The following PCDHA5 variants were observed in gnomAD, a reference collection of about 807,000 sequenced individuals.
PCDHA5 encodes protocadherin alpha 5, also known as protocadherin alpha-5.
Under a neutral mutation model 61.6 loss-of-function variants are expected in PCDHA5, and 43 were observed. The observed-to-expected ratio is 0.70, with a 90% confidence interval of 0.55 to 0.90. The LOEUF is 0.90. Ranked by LOEUF, PCDHA5 falls within the 40% of genes least tolerant of loss-of-function variation. PCDHA5 has a pLI of 0.00. For synonymous variants in PCDHA5, 627 were observed against 543.9 expected (o/e 1.15, Z -2.13); for missense variants, 1,298 against 1,222.7 (o/e 1.06, Z -0.92).
At chr5:140,831,516 C>A (rs2150195447) in intron 1 of PCDHA5, among the ~76,000 whole-genome samples, 3 of 130,566 alleles carry the variant, frequency 2.3e-5, no homozygotes, top group East Asian at 4.4e-4. Context: ...ACCATGCCCC[C>A]CACCTTTTTT....
intron 1 of PCDHA5, among the ~76,000 whole-genome samples, chr5:140,905,243 T>C (rs962108553): frequency 7.2e-5 from 11 of 152,184 alleles, no homozygotes; most frequent in Non-Finnish European, 1.5e-4. Context: ...CCAGTTTCAT[T>C]CTTCCACATG....
At chr5:140,836,782 A>G in intron 1 of PCDHA5, 2 of 1,475,536 alleles carry the variant, frequency 1.4e-6, no homozygotes, top group South Asian at 1.3e-5. Flanking sequence ...TAAAACAATT[A>G]GTTCAATTGG....
chr5:140,822,072 G>C lies in PCDHA5; in HGVS notation c.297G>C (p.Ala99=). 1 of 1,614,228 alleles carries C rather than the reference G, an allele frequency of 6.2e-7. No individual in the cohort carries two copies. The highest frequency in any genetic ancestry group is 1.1e-5 in the South Asian group (1 of 91,090). ...GGGAGGAGCTGTGCCGGCGGAGGGC[G>C]GAGTGCAGCATCCACCTGGAGGTGA... ...IDREELCRRR[A]ECSIHLEVIV... The change falls in exon 1 of 4, where the codon GCG becomes GCC. Residue 99 remains alanine, a synonymous_variant. Coordinates refer to ENST00000529859, the MANE Select transcript of PCDHA5 (RefSeq NM_018908.3).
intron 3 of PCDHA5, among the ~76,000 whole-genome samples, chr5:141,008,498 T>G (rs2098379874): frequency 6.6e-6 from 1 of 152,158 alleles, no homozygotes. Context: ...CTGGTATACT[T>G]TATGGTGTGT....
intron 1 of PCDHA5, among the ~76,000 whole-genome samples, chr5:140,957,259 T>A (rs1554222896): frequency 6.6e-6 from 1 of 152,182 alleles, no homozygotes; most frequent in Admixed American, 6.5e-5. Context: ...TTTAAATATG[T>A]AAGCACTAGT....
At chr5:140,882,491 C>T (rs782462724) in intron 1 of PCDHA5, 1 of 1,614,078 alleles carries the variant, frequency 6.2e-7, no homozygotes, top group South Asian at 1.1e-5. Flanking sequence ...CGGGGACCTT[C>T]TGGAGGTAAA....
At chr5:140,875,606 T>C in intron 1 of PCDHA5, 4 of 1,613,864 alleles carry the variant, frequency 2.5e-6, no homozygotes, top group Middle Eastern at 3.4e-4. Flanking sequence ...GGCACCTTCG[T>C]GGGCCGCATC....
intron 1 of PCDHA5, among the ~76,000 whole-genome samples, chr5:140,889,040 A>G (rs1313734637): frequency 4.6e-5 from 7 of 152,094 alleles, no homozygotes; most frequent in African/African-American, 1.4e-4. Context: ...TAATTTGATT[A>G]TAATTTATAA....
At chr5:140,925,189 C>A (rs1488098385) in intron 1 of PCDHA5, among the ~76,000 whole-genome samples, 2 of 152,116 alleles carry the variant, frequency 1.3e-5, no homozygotes, top group African/African-American at 4.8e-5. Flanking sequence ...TACCATCACC[C>A]AGCTTCAATA....
At chr5:140,979,150 C>T (rs1470916466) in intron 2 of PCDHA5, 143 bp downstream of exon 2, 4 of 1,435,458 alleles carry the variant, frequency 2.8e-6, no homozygotes, top group Middle Eastern at 3.7e-4. Context: ...ATTTTGTCCC[C>T]ATGTTTATTC....
chr5:140,940,499 G>A (rs190058542), intron 1 of PCDHA5, among the ~76,000 whole-genome samples: 23 of 151,756 alleles, frequency 1.5e-4, no homozygotes, highest in African/African-American at 3.9e-4. Context: ...GTCTTGCTCC[G>A]TCGCTCAGGC....
At chr5:140,905,292 G>T (rs1394409672) in intron 1 of PCDHA5, among the ~76,000 whole-genome samples, 1 of 152,114 alleles carries the variant, frequency 6.6e-6, no homozygotes, top group African/African-American at 2.4e-5. Flanking sequence ...CTTGAATAAG[G>T]TGTCCTTTCC....
At chr5:140,931,508 A>G (rs1214894603) in intron 1 of PCDHA5, among the ~76,000 whole-genome samples, 8 of 152,078 alleles carry the variant, frequency 5.3e-5, no homozygotes, top group Non-Finnish European at 1.0e-4. Flanking sequence ...TTAAACATAT[A>G]TGAATGATTA....
chr5:140,883,581 C>T (rs144119560), intron 1 of PCDHA5: 1 of 1,614,018 alleles, frequency 6.2e-7, no homozygotes, highest in Non-Finnish European at 8.5e-7. Flanking sequence ...CTGTGGGCCA[C>T]GGCCAGCGTG....
rs892297422 is a variant in PCDHA5, at chr5:140,851,955, G to T, written c.2352+27828G>T. The T allele has an allele frequency of 3.1e-6, 3 of 975,116 alleles. 1 individual carries two copies. Among genetic ancestry groups the T allele is most frequent in the Non-Finnish European group, 3.7e-6 (3 of 807,888 alleles). The allele number at this position is 975,116 out of a possible 1,614,324, so 60.4% of individuals were successfully genotyped here. A position where few individuals can be genotyped will look rare whatever the true frequency, so the allele number is the denominator to read the frequency against. On this transcript the variant is annotated intron_variant, in intron 1 of 3. Transcript: ENST00000529859. Reference sequence around the variant, plus strand: ...ATTGTAGTATGTGACTTTCAAAATGGTGGTTTTCCACACTCTACCTTTAGT... The same window carrying T: ...ATTGTAGTATGTGACTTTCAAAATGTTGGTTTTCCACACTCTACCTTTAGT...
At chr5:140,861,610 A>T (rs1268305779) in intron 1 of PCDHA5, 1 of 355,772 alleles carries the variant, frequency 2.8e-6, no homozygotes. Context: ...AACAATAAAG[A>T]CAACCTGCCA....
In PCDHA5 at chr5:140,823,096, T is replaced by C. The variant is rs1554129134; in HGVS notation, c.1321T>C (p.Ser441Pro). The change falls in exon 1 of 4, where the codon TCT becomes CCT. Residue 441 changes from serine to proline, a missense_variant. Physicochemically the swap from Ser to Pro is moderately conservative, Grantham distance 74. Transcript: ENST00000529859. Reference sequence around the variant, plus strand: ...TTCGCTGTGGGCCACCGCCAGCGTGTCTGTGGAAGTGGCCGACGTGAACGA... The same window carrying C: ...TTCGCTGTGGGCCACCGCCAGCGTGCCTGTGGAAGTGGCCGACGTGAACGA... ...SPSLWATASVSVEVADVNDNA... is the reference protein window; with the variant it reads ...SPSLWATASVPVEVADVNDNA... The C allele has an allele frequency of 1.9e-6, 3 of 1,613,924 alleles. No individual in the cohort carries two copies. The East Asian group carries it at 6.7e-5, about 36-fold the overall frequency.
At chr5:140,999,426 A>G (rs1456581917) in intron 3 of PCDHA5, among the ~76,000 whole-genome samples, 2 of 152,204 alleles carry the variant, frequency 1.3e-5, no homozygotes, top group Middle Eastern at 3.2e-3. Context: ...TAAGAGGCCA[A>G]GTACCTTGCC....
At chr5:140,922,150 T>C (rs999486530) in intron 1 of PCDHA5, among the ~76,000 whole-genome samples, 5 of 151,298 alleles carry the variant, frequency 3.3e-5, no homozygotes, top group African/African-American at 1.2e-4. Flanking sequence ...ATGAAACTCA[T>C]CAAAAACAAC....
Sources: allele counts gnomAD v4.1 joint callset (sites outside exome capture counted in the v4.1 genomes callset), GRCh38; gene constraint gnomAD v4.1.1; transcripts MANE v1.5; gene names NCBI Gene and HGNC (gene_info 2026-07-23, HGNC 2026-07-21).